Variants in NKX2-1 observed in about 807,000 individuals in gnomAD.
The protein encoded by NKX2-1 is NK2 homeobox 1, also known as homeobox protein Nkx-2.1.
A neutral mutation model predicts 35.1 loss-of-function variants in NKX2-1; 9 were observed. The observed-to-expected ratio is 0.26, with a 90% CI of 0.15 to 0.45. The LOEUF (loss-of-function observed/expected upper bound fraction) is 0.45, where lower values mean the gene tolerates loss of function less well. Ranked by LOEUF, NKX2-1 falls within the 20% of genes least tolerant of loss-of-function variation. The pLI, the probability that NKX2-1 is intolerant of heterozygous loss-of-function variation, is 1.00. For missense variants in NKX2-1, 509 were observed against 589.1 expected (o/e 0.86, Z 1.41); for synonymous variants, 284 against 269.9 (o/e 1.05, Z -0.51).
In NKX2-1 at chr14:36,517,573, G is replaced by C. The variant is rs1881092018; in HGVS notation, c.911C>G (p.Ala304Gly). 1 of 1,485,606 alleles carries C rather than the reference G, an allele frequency of 6.7e-7. No homozygotes were observed. The highest frequency in any genetic ancestry group is 8.9e-7 in the Non-Finnish European group (1 of 1,125,990). The allele number at this position is 1,485,606 out of a possible 1,614,324, so 92.0% of individuals were successfully genotyped here. ...TAGGCTGGCGGCGCCCGGCGCGGGGGCACCCGCCTGGCACGGTTTGCCGTC... is the reference window on the plus strand; with the variant it reads ...TAGGCTGGCGGCGCCCGGCGCGGGGCCACCCGCCTGGCACGGTTTGCCGTC... The part of the protein sequence containing the change: ...VKDGKPCQAG[A>G]PAPGAASLQG... Residue 304 changes from alanine (A) to glycine (G), a missense_variant, in exon 3 of 3, where the codon GCC becomes GGC. This residue lies in a region of NKX2-1 where 212 missense variants were observed against 227.7 expected (regional missense o/e 0.93). Transcript: ENST00000354822.
At position 36,520,056 on chromosome 14, in the gene NKX2-1, A is replaced by T. The variant is rs2139414631; in HGVS notation, c.74T>A (p.Leu25His). 6.2e-7 allele frequency: 1 copy of T among 1,612,922 alleles called. No homozygotes were observed. The highest frequency in any genetic ancestry group is 1.1e-5 in the South Asian group (1 of 91,020). The change falls in exon 1 of 3, where the codon CTC (leucine) becomes CAC (histidine). Residue 25 changes from leucine to histidine, a missense_variant. Leu to His is a moderately conservative substitution (Grantham distance 99). Around this residue, in one of 5 missense-constraint regions of NKX2-1, gnomAD observed 271 missense variants for 284.1 expected, o/e 0.95. Transcript: ENST00000354822. ...AAGGRSSPGR[L>H]SRRRIMSMSP... ...AGGGACAGGGTGGGGGTTTCACCTG[A>T]GCCTGCCGGGGCTGCTCCTCCCTCC...
rs778614432 is a variant in NKX2-1, at chr14:36,520,034, G to A, written c.77+19C>T. On this transcript the variant is annotated intron_variant, in intron 1 of 2. Coordinates refer to ENST00000354822, the MANE Select transcript of NKX2-1 (RefSeq NM_001079668.3). ...GGTCTTTAGGAGGAGGGGGCTGAGG[G>A]ACAGGGTGGGGGTTTCACCTGAGCC... 1 of 1,612,984 alleles carries A rather than the reference G, an allele frequency of 6.2e-7. No individual in the cohort carries two copies. The highest frequency in any genetic ancestry group is 8.5e-7 in the Non-Finnish European group (1 of 1,179,778).
Position 36,517,785 on chromosome 14 carries a change from C to T in NKX2-1, c.699G>A (p.Thr233=), listed in dbSNP as rs202152277. 1.2e-6 allele frequency: 2 copies of T among 1,612,746 alleles called. No individual in the cohort carries two copies. Among genetic ancestry groups the T allele is most frequent in the Non-Finnish European group, 8.5e-7 (1 of 1,179,810 alleles). ...HLASMIHLTP[T]QVKIWFQNHR... ...GGTTCTGGAACCAGATCTTGACCTG[C>T]GTGGGCGTCAGGTGGATCATGCTGG... Residue 233 remains threonine, a synonymous_variant, in exon 3 of 3, where the codon ACG becomes ACA. Coordinates refer to ENST00000354822, the MANE Select transcript of NKX2-1 (RefSeq NM_001079668.3).
chr14:36,517,728 G>T lies in NKX2-1; in HGVS notation c.756C>A (p.Asp252Glu). The T allele has an allele frequency of 6.2e-7, 1 of 1,608,172 alleles. No homozygotes were observed. The highest frequency in any genetic ancestry group is 8.5e-7 in the Non-Finnish European group (1 of 1,178,114). The change falls in exon 3 of 3, where the codon GAC becomes GAA. Residue 252 changes from aspartate to glutamate, a missense_variant. Coordinates refer to ENST00000354822, the MANE Select transcript of NKX2-1 (RefSeq NM_001079668.3). ...HRYKMKRQAK[D>E]KAAQQQLQQD... Reference sequence around the variant, plus strand: ...GCTGCAGTTGCTGCTGCGCCGCCTTGTCCTTGGCCTGGCGCTTCATTTTGT... The same window carrying T: ...GCTGCAGTTGCTGCTGCGCCGCCTTTTCCTTGGCCTGGCGCTTCATTTTGT...
At chr14:36,518,290 C>T (rs1437579114) in intron 2 of NKX2-1, among the ~76,000 whole-genome samples, 1 of 152,142 alleles carries the variant, frequency 6.6e-6, no homozygotes, top group Non-Finnish European at 1.5e-5. Flanking sequence ...CCAAAAGACG[C>T]AGTGGGGGAA....
Position 36,516,901 on chromosome 14 carries a change from T to G in NKX2-1, c.*377A>C, listed in dbSNP as rs1443694773. On this transcript the variant is annotated 3_prime_UTR_variant, in exon 3 of 3. Coordinates refer to ENST00000354822, the MANE Select transcript of NKX2-1 (RefSeq NM_001079668.3). ...CCAGAGTGAAGTTTGGTCTTTAGAG[T>G]CCAGAGCCATGTCAGCACAGAGCCC... The G allele has an allele frequency of 3.6e-6, 1 of 280,948 alleles. No individual in the cohort carries two copies. Among genetic ancestry groups the G allele is most frequent in the Non-Finnish European group, 6.7e-6 (1 of 149,686 alleles). The allele number at this position is 280,948 out of a possible 1,614,324, so 17.4% of individuals were successfully genotyped here. A position where few individuals can be genotyped will look rare whatever the true frequency, so the allele number is the denominator to read the frequency against.
Position 36,516,904 on chromosome 14 carries a change from A to T in NKX2-1, c.*374T>A, listed in dbSNP as rs144177561. 3 of 285,108 alleles carry T rather than the reference A, an allele frequency of 1.1e-5. No individual in the cohort carries two copies. The highest frequency in any genetic ancestry group is 2.0e-5 in the Non-Finnish European group (3 of 151,920). The allele number at this position is 285,108 out of a possible 1,614,324, so 17.7% of individuals were successfully genotyped here. ...GAGTGAAGTTTGGTCTTTAGAGTCC[A>T]GAGCCATGTCAGCACAGAGCCCTCT... On this transcript the variant is annotated 3_prime_UTR_variant, in exon 3 of 3. Transcript: ENST00000354822.
rs541524052 is a variant in NKX2-1, at chr14:36,519,792, A to T, written c.77+261T>A. The T allele has an allele frequency of 2.1e-6, 3 of 1,407,596 alleles. No individual in the cohort carries two copies. The South Asian group carries it at 4.4e-5, about 21-fold the overall frequency. The allele number at this position is 1,407,596 out of a possible 1,614,324, so 87.2% of individuals were successfully genotyped here. On this transcript the variant is annotated intron_variant, in intron 1 of 2. Transcript: ENST00000354822. ...CCCTCCCTTGGACACCCCCACCCCC[A>T]TTTTTTGTGGGGTACCAGCGGAGCG...
Position 36,517,237 on chromosome 14 carries a change from G to T in NKX2-1, c.*41C>A. ...TCTGTGTGGCGGGCAGGAGGGAAGC[G>T]GTGAGGCAGAGCGCTGGGCTAGGGC... On this transcript the variant is annotated 3_prime_UTR_variant, in exon 3 of 3. Coordinates refer to ENST00000354822, the MANE Select transcript of NKX2-1 (RefSeq NM_001079668.3). 6.3e-7 allele frequency: 1 copy of T among 1,575,716 alleles called. No homozygotes were observed. The highest frequency in any genetic ancestry group is 8.6e-7 in the Non-Finnish European group (1 of 1,162,416).
At position 36,516,917 on chromosome 14, in the gene NKX2-1, C is replaced by G; in HGVS notation, c.*361G>C. On this transcript the variant is annotated 3_prime_UTR_variant, in exon 3 of 3. Transcript: ENST00000354822. The stretch of plus-strand genomic sequence containing the variant: ...TCTTTAGAGTCCAGAGCCATGTCAG[C>G]ACAGAGCCCTCTCCAATCTGTGCCC... 1 of 343,338 alleles carries G rather than the reference C, an allele frequency of 2.9e-6. No homozygotes were observed. The highest frequency in any genetic ancestry group is 5.4e-6 in the Non-Finnish European group (1 of 186,716). The allele number at this position is 343,338 out of a possible 1,614,324, so 21.3% of individuals were successfully genotyped here.
At chr14:36,518,213 G>C (rs1881144083) in intron 2 of NKX2-1, among the ~76,000 whole-genome samples, 193 bp from the exon 3 acceptor site, 1 of 152,126 alleles carries the variant, frequency 6.6e-6, no homozygotes, top group Non-Finnish European at 1.5e-5. Flanking sequence ...CGTCGAGGGG[G>C]CTGTACTGGA....
Position 36,517,524 on chromosome 14 carries a change from C to T in NKX2-1, c.960G>A (p.Ala320=), listed in dbSNP as rs1210694798. Residue 320 remains alanine (A), a synonymous_variant, in exon 3 of 3, where the codon GCG becomes GCA. Transcript: ENST00000354822. ...ASLQGHAQQQ[A]QHQAQAAQAA... is the part of the protein sequence containing the mutation. ...CCTGCGCGGCCTGCGCCTGGTGCTG[C>T]GCCTGCTGCTGCGCGTGGCCTTGTA... is the stretch of plus-strand genomic sequence containing the variant. 4 of 1,408,054 alleles carry T rather than the reference C, an allele frequency of 2.8e-6. No individual in the cohort carries two copies. The highest frequency in any genetic ancestry group is 2.8e-6 in the Non-Finnish European group (3 of 1,089,122). 87.2% of individuals were successfully genotyped at this position (1,408,054 alleles called of 1,614,324 possible).
At chr14:36,518,873 C>T in intron 2 of NKX2-1, 112 bp downstream of exon 2, 6 of 1,328,170 alleles carry the variant, frequency 4.5e-6, no homozygotes, top group Non-Finnish European at 4.8e-6. Context: ...CGCTGCCGGG[C>T]CGCCCTCCCT....
rs374569055 is a variant in NKX2-1, at chr14:36,517,232, G to C, written c.*46C>G. 140 of 1,573,046 alleles carry C rather than the reference G, an allele frequency of 8.9e-5. No individual in the cohort carries two copies. Among genetic ancestry groups the C allele is most frequent in the Non-Finnish European group, 1.1e-4 (124 of 1,160,900 alleles). ...GGTGGTCTGTGTGGCGGGCAGGAGG[G>C]AAGCGGTGAGGCAGAGCGCTGGGCT... On this transcript the variant is annotated 3_prime_UTR_variant, in exon 3 of 3. Coordinates refer to ENST00000354822, the MANE Select transcript of NKX2-1 (RefSeq NM_001079668.3).
At position 36,517,506 on chromosome 14, in the gene NKX2-1, G is replaced by A. The variant is rs1594403425; in HGVS notation, c.978C>T (p.Ala326=). The A allele has an allele frequency of 7.4e-7, 1 of 1,346,544 alleles. No homozygotes were observed. The highest frequency in any genetic ancestry group is 9.5e-7 in the Non-Finnish European group (1 of 1,055,996). 83.4% of individuals were successfully genotyped at this position (1,346,544 alleles called of 1,614,324 possible). The stretch of plus-strand genomic sequence containing the variant: ...AGATGGCCGCTGCCGCCGCCTGCGC[G>A]GCCTGCGCCTGGTGCTGCGCCTGCT... ...AQQQAQHQAQ[A]AQAAAAAISV... is the part of the protein sequence containing the mutation. Residue 326 remains alanine, a synonymous_variant, in exon 3 of 3, where the codon GCC becomes GCT. Transcript: ENST00000354822.
chr14:36,517,094 G>A lies in NKX2-1; in HGVS notation c.*184C>T. ...AAAAAAAAAACCCACAAATTTTAGG[G>A]GGGGAAAAAAAGAAAGACGTCCAGC... On this transcript the variant is annotated 3_prime_UTR_variant, in exon 3 of 3. Coordinates refer to ENST00000354822, the MANE Select transcript of NKX2-1 (RefSeq NM_001079668.3). The A allele has an allele frequency of 9.0e-7, 1 of 1,107,840 alleles. No individual in the cohort carries two copies. Among genetic ancestry groups the A allele is most frequent in the Non-Finnish European group, 1.2e-6 (1 of 830,952 alleles). The allele number at this position is 1,107,840 out of a possible 1,614,324, so 68.6% of individuals were successfully genotyped here.
chr14:36,519,562 T>G (rs1349721460), intron 1 of NKX2-1, 192 bp from the exon 2 acceptor site: 25 of 1,533,938 alleles, frequency 1.6e-5, no homozygotes, highest in Non-Finnish European at 2.1e-5. Flanking sequence ...CTCGCGTTTG[T>G]TTTAGCCCGG....
In NKX2-1 at chr14:36,518,939, C is replaced by T. The variant is rs767081924; in HGVS notation, c.463+46G>A. 2.6e-5 allele frequency: 39 copies of T among 1,493,218 alleles called. No homozygotes were observed. The East Asian group carries it at 9.6e-4, about 37-fold the overall frequency. The allele number at this position is 1,493,218 out of a possible 1,614,324, so 92.5% of individuals were successfully genotyped here. A position where few individuals can be genotyped will look rare whatever the true frequency, so the allele number is the denominator to read the frequency against. On this transcript the variant is annotated intron_variant, in intron 2 of 2. Transcript: ENST00000354822. ...GCCTTCTGGACGGCTCTCGCCGCAC[C>T]TCCTGAGCTCAGCCCGCGGCCCCGC... is the stretch of plus-strand genomic sequence containing the variant.
Position 36,516,988 on chromosome 14 carries a change from C to G in NKX2-1, c.*290G>C. On this transcript the variant is annotated 3_prime_UTR_variant, in exon 3 of 3. Transcript: ENST00000354822. ...ATTTGAATCACCAAAAAAAGACACC[C>G]CAAAGCTGTTTTATGCCCTTCTCTG... 2.0e-6 allele frequency: 1 copy of G among 499,504 alleles called. No individual in the cohort carries two copies. The allele number at this position is 499,504 out of a possible 1,614,324, so 30.9% of individuals were successfully genotyped here.
Sources: allele counts gnomAD v4.1 joint callset (sites outside exome capture counted in the v4.1 genomes callset), GRCh38; gene constraint gnomAD v4.1.1; regional missense constraint gnomAD v4.1.1; transcripts MANE v1.5; gene names NCBI Gene and HGNC (gene_info 2026-07-23, HGNC 2026-07-21).